Variants in CDH12 observed in about 807,000 individuals in gnomAD.
The protein encoded by CDH12 is cadherin-12.
A neutral mutation model predicts 74.1 loss-of-function variants in CDH12; 41 were observed. The ratio of observed to expected loss-of-function variants is 0.55; its 90% CI spans 0.43 to 0.72. The LOEUF is 0.72. Among genes scored for constraint, CDH12 ranks in the 30% least tolerant of loss-of-function variants. The probability of loss-of-function intolerance (pLI) is 0.00; values close to 1 mark genes in which losing one functional copy is unlikely to be tolerated. For synonymous variants in CDH12, 399 were observed against 355.0 expected (o/e 1.12, Z -1.39); for missense variants, 945 against 977.2 (o/e 0.97, Z 0.44).
chr5:22,518,979 G>A (rs1026722202), intron 1 of CDH12, among the ~76,000 whole-genome samples: 1 of 152,116 alleles, frequency 6.6e-6, no homozygotes, highest in Non-Finnish European at 1.5e-5. Flanking sequence ...CCTAGCATGG[G>A]GTGACCTCCT....
chr5:22,620,405 T>A (rs534963065), intron 1 of CDH12, among the ~76,000 whole-genome samples: 1 of 152,170 alleles, frequency 6.6e-6, no homozygotes, highest in South Asian at 2.1e-4. Context: ...GTTCTAAATG[T>A]GTTTGAAGTT....
chr5:21,986,824 C>T (rs1361914787), intron 5 of CDH12, among the ~76,000 whole-genome samples: 1 of 151,946 alleles, frequency 6.6e-6, no homozygotes, highest in Non-Finnish European at 1.5e-5. Context: ...TCATTATTTC[C>T]AATATTAGCT....
intron 1 of CDH12, among the ~76,000 whole-genome samples, chr5:22,671,292 T>A (rs1740886289): frequency 6.6e-6 from 1 of 152,152 alleles, no homozygotes; most frequent in Non-Finnish European, 1.5e-5. Context: ...TCCCTTGAGA[T>A]CTAACTGCTT....
intron 4 of CDH12, among the ~76,000 whole-genome samples, chr5:22,117,748 C>T (rs1468145167): frequency 2.0e-5 from 3 of 150,382 alleles, no homozygotes; most frequent in Non-Finnish European, 4.4e-5. Flanking sequence ...GGGGTTACAT[C>T]ATTGCATGTA....
Position 21,755,605 on chromosome 5 carries a change from A to G in CDH12, c.1871T>C (p.Ile624Thr). 6.2e-7 allele frequency: 1 copy of G among 1,613,950 alleles called. No homozygotes were observed. Among genetic ancestry groups the G allele is most frequent in the Non-Finnish European group, 8.5e-7 (1 of 1,179,912 alleles). Residue 624 changes from isoleucine (I) to threonine (T), a missense_variant, in exon 14 of 15, where the codon ATT (isoleucine) becomes ACT (threonine). Ile to Thr is a moderately conservative substitution (Grantham distance 89). This residue lies in a region of CDH12 where 791 missense variants were observed against 792.8 expected (regional missense o/e 1.00). Coordinates refer to ENST00000382254, the MANE Select transcript of CDH12 (RefSeq NM_004061.5). ...TGALIAILLC[I>T]VILLAIVVLY... The stretch of plus-strand genomic sequence containing the variant: ...TTGAAACCAACCTAAGAGTATAACA[A>G]TGCATAGTAGAATTGCAATCAACGC...
At chr5:21,900,475 A>G (rs941714763) in intron 6 of CDH12, among the ~76,000 whole-genome samples, 5 of 152,234 alleles carry the variant, frequency 3.3e-5, no homozygotes, top group African/African-American at 1.2e-4. Context: ...ATCATGTTAT[A>G]TTAGCTATAG....
chr5:21,999,862 C>T, intron 5 of CDH12, among the ~76,000 whole-genome samples: 1 of 151,272 alleles, frequency 6.6e-6, no homozygotes, highest in Non-Finnish European at 1.5e-5. Flanking sequence ...TGACCTTGGG[C>T]AAAATAATTA....
chr5:22,054,686 A>C (rs1026405054), intron 5 of CDH12, among the ~76,000 whole-genome samples: 4 of 152,178 alleles, frequency 2.6e-5, no homozygotes, highest in Non-Finnish European at 4.4e-5. Context: ...TTATGGCAGT[A>C]ATATGGAGTC....
At chr5:21,896,947 A>T (rs1046630121) in intron 6 of CDH12, among the ~76,000 whole-genome samples, 3 of 152,180 alleles carry the variant, frequency 2.0e-5, no homozygotes, top group Admixed American at 2.0e-4. Context: ...TAGAACTTTG[A>T]GGTTTCTGCT....
chr5:21,996,105 GTTTTTTTTT>G (rs61516659), intron 5 of CDH12, among the ~76,000 whole-genome samples: 19 of 113,626 alleles, frequency 1.7e-4, no homozygotes, highest in East Asian at 3.1e-4. Context: ...TCACACACAC[GTTTTTTTTT>G]TTTTTTTTTT....
At chr5:22,735,594 T>C (rs1263706232) in intron 1 of CDH12, among the ~76,000 whole-genome samples, 1 of 151,956 alleles carries the variant, frequency 6.6e-6, no homozygotes, top group Non-Finnish European at 1.5e-5. Flanking sequence ...TACATGTGTG[T>C]GCACACACAC....
chr5:22,658,428 G>C (rs371499919), intron 1 of CDH12, among the ~76,000 whole-genome samples: 24 of 151,900 alleles, frequency 1.6e-4, no homozygotes, highest in Admixed American at 2.6e-4. Context: ...TTTCTTCTAT[G>C]CTATGTGCAT....
At chr5:22,347,465 C>A (rs1380905508) in intron 3 of CDH12, among the ~76,000 whole-genome samples, 1 of 152,154 alleles carries the variant, frequency 6.6e-6, no homozygotes, top group Admixed American at 6.5e-5. Context: ...GACCTTCAGC[C>A]ACAGACTGAA....
At chr5:21,982,804 TTTTTG>T (rs1209818189) in intron 5 of CDH12, among the ~76,000 whole-genome samples, 8 of 152,260 alleles carry the variant, frequency 5.3e-5, no homozygotes, top group Admixed American at 1.3e-4. Flanking sequence ...AATGTAAACC[TTTTTG>T]TTTTATTACC....
At chr5:22,269,830 T>G (rs1355494938) in intron 3 of CDH12, among the ~76,000 whole-genome samples, 1 of 152,136 alleles carries the variant, frequency 6.6e-6, no homozygotes, top group Non-Finnish European at 1.5e-5. Context: ...AGTTTAAAAA[T>G]ACAGACATTT....
intron 2 of CDH12, among the ~76,000 whole-genome samples, chr5:22,500,504 T>C (rs1245451626): frequency 6.6e-6 from 1 of 152,170 alleles, no homozygotes; most frequent in East Asian, 1.9e-4. Flanking sequence ...GACTCCACTT[T>C]TACTATGGCC....
At chr5:21,760,999 A>C (rs1379319714) in intron 12 of CDH12, among the ~76,000 whole-genome samples, 1 of 152,154 alleles carries the variant, frequency 6.6e-6, no homozygotes, top group Non-Finnish European at 1.5e-5. Context: ...AGATGAAATA[A>C]ATGCTTTCTA....
intron 3 of CDH12, among the ~76,000 whole-genome samples, chr5:22,341,334 G>GA (rs1739840091): frequency 1.3e-5 from 2 of 152,178 alleles, no homozygotes; most frequent in South Asian, 4.1e-4. Flanking sequence ...AAAGAATAAA[G>GA]AAAGAATGGC....
intron 1 of CDH12, among the ~76,000 whole-genome samples, chr5:22,634,931 A>G (rs1255722230): frequency 6.6e-6 from 1 of 151,824 alleles, no homozygotes; most frequent in African/African-American, 2.4e-5. Context: ...TACTCCCCAA[A>G]TTGAACCACA....
Sources: gnomAD v4.1 joint callset for allele counts (sites outside exome capture counted in the v4.1 genomes callset) on GRCh38, gnomAD v4.1.1 for gene constraint, gnomAD v4.1.1 regional missense constraint, MANE v1.5 for transcripts, NCBI Gene and HGNC (gene_info 2026-07-23, HGNC 2026-07-21) for gene names.